PTPRD: variants seen among roughly 807,000 people sequenced by gnomAD.
PTPRD encodes protein tyrosine phosphatase receptor type D, also known as receptor-type tyrosine-protein phosphatase delta.
Under a neutral mutation model 214.5 loss-of-function variants are expected in PTPRD, and 34 were observed. The ratio of observed to expected loss-of-function variants is 0.16; its 90% confidence interval spans 0.12 to 0.21. PTPRD has a LOEUF of 0.21. PTPRD is among the 10% of genes least tolerant of loss of function. PTPRD has a pLI of 1.00. For missense variants in PTPRD, 2,545 were observed against 2,398.7 expected, an observed-to-expected ratio of 1.06 and a Z score of -1.27; for synonymous variants, 1,128 against 845.7, an observed-to-expected ratio of 1.33 and a Z score of -5.79.
intron 12 of PTPRD, among the ~76,000 whole-genome samples, chr9:8,661,135 A>G (rs1478546661): frequency 2.0e-5 from 3 of 152,078 alleles, no homozygotes; most frequent in South Asian, 2.1e-4. Context: ...GCTCTTTTTC[A>G]TATGCCAGAC....
At chr9:10,415,414 G>C (rs934719148) in intron 2 of PTPRD, among the ~76,000 whole-genome samples, 2 of 151,752 alleles carry the variant, frequency 1.3e-5, no homozygotes, top group Non-Finnish European at 2.9e-5. Flanking sequence ...TATTCAACAA[G>C]TTATGGACTC....
At chr9:9,250,869 TA>T (rs986605680) in intron 9 of PTPRD, among the ~76,000 whole-genome samples, 2 of 152,128 alleles carry the variant, frequency 1.3e-5, no homozygotes, top group Non-Finnish European at 2.9e-5. Flanking sequence ...AAAGTCTTTT[TA>T]TTTATTTATT....
At chr9:9,594,893 C>A (rs2093131614) in intron 7 of PTPRD, among the ~76,000 whole-genome samples, 1 of 151,680 alleles carries the variant, frequency 6.6e-6, no homozygotes, top group Admixed American at 6.6e-5. Flanking sequence ...CAAGAAAAAA[C>A]AAACAAACAA....
intron 11 of PTPRD, among the ~76,000 whole-genome samples, chr9:8,824,098 T>G (rs376176382): frequency 7.2e-5 from 11 of 152,330 alleles, no homozygotes; most frequent in East Asian, 5.8e-4. Context: ...GGGTTTTGGC[T>G]GGCTCCTTTA....
chr9:8,593,647 G>A (rs2094281354), intron 14 of PTPRD, among the ~76,000 whole-genome samples: 1 of 152,144 alleles, frequency 6.6e-6, no homozygotes, highest in African/African-American at 2.4e-5. Flanking sequence ...CTTTATTGGT[G>A]TGAAACACTG....
chr9:9,679,287 C>A (rs184798059), intron 7 of PTPRD, among the ~76,000 whole-genome samples: 1 of 151,630 alleles, frequency 6.6e-6, no homozygotes, highest in East Asian at 1.9e-4. Context: ...TTGCTACACA[C>A]AAAAGATGGC....
intron 11 of PTPRD, among the ~76,000 whole-genome samples, chr9:8,900,328 A>T (rs951415597): frequency 1.3e-5 from 2 of 152,346 alleles, no homozygotes; most frequent in Non-Finnish European, 2.9e-5. Flanking sequence ...AGATATTGAC[A>T]TTTAAAGAAC....
At chr9:8,423,658 TG>T (rs1178265746) in intron 35 of PTPRD, among the ~76,000 whole-genome samples, 6 of 152,144 alleles carry the variant, frequency 3.9e-5, no homozygotes, top group African/African-American at 1.4e-4. Flanking sequence ...AAGGGCACCT[TG>T]CCAGTATAGG....
At chr9:8,499,586 G>A (rs1390887187) in intron 25 of PTPRD, 61 bp downstream of exon 25, 1 of 1,520,746 alleles carries the variant, frequency 6.6e-7, no homozygotes, top group South Asian at 1.3e-5. Context: ...AGCAATTTCA[G>A]GATATGAACT....
Position 9,851,527 on chromosome 9 carries a change from A to G in PTPRD, c.-367-84676T>C, listed in dbSNP as rs1599747626. ...CATTCTTCAAGCAACTATCTGCATGATAATATTGAATTACATTATTTACAA... is the reference window on the plus strand; with the variant it reads ...CATTCTTCAAGCAACTATCTGCATGGTAATATTGAATTACATTATTTACAA... On this transcript the variant is annotated intron_variant, in intron 5 of 45. Coordinates refer to ENST00000381196, the MANE Select transcript of PTPRD (RefSeq NM_002839.4). Among the ~76,000 whole-genome samples, 4 of 152,358 alleles carry G rather than the reference A, an allele frequency of 2.6e-5. No homozygotes were observed. The East Asian group carries it at 7.7e-4, about 29-fold the overall frequency.
At position 10,103,395 on chromosome 9, in the gene PTPRD, T is replaced by TATATATGTA. The variant is rs34926923; in HGVS notation, c.-544-69606_-544-69605insTACATATAT. ...CTGCATATTATATATATATATATAT[T>TATATATGTA]TATTTAAGAGCATTGCAGTAAGAAA... is the stretch of plus-strand genomic sequence containing the variant. On this transcript the variant is annotated intron_variant, in intron 3 of 45. Transcript: ENST00000381196. 6.1e-4 allele frequency among the ~76,000 whole-genome samples: 71 copies of TATATATGTA among 116,730 alleles called. 3 individuals are homozygous for TATATATGTA. In the South Asian group the frequency reaches 0.016, roughly 27 times the overall value. 76.6% of individuals were successfully genotyped at this position (116,730 alleles called of 152,430 possible). A position where few individuals can be genotyped will look rare whatever the true frequency, so the allele number is the denominator to read the frequency against.
intron 10 of PTPRD, among the ~76,000 whole-genome samples, chr9:9,115,231 G>A (rs2099811212): frequency 6.6e-6 from 1 of 152,120 alleles, no homozygotes; most frequent in South Asian, 2.1e-4. Context: ...AGAGATTGGG[G>A]TATGTTCCTA....
At chr9:8,660,127 T>A (rs996327117) in intron 12 of PTPRD, among the ~76,000 whole-genome samples, 4 of 152,228 alleles carry the variant, frequency 2.6e-5, no homozygotes, top group African/African-American at 9.6e-5. Flanking sequence ...AAAGCAAACA[T>A]ACCCACCTCA....
chr9:8,817,648 A>C (rs930469357), intron 11 of PTPRD, among the ~76,000 whole-genome samples: 3 of 152,180 alleles, frequency 2.0e-5, no homozygotes, highest in African/African-American at 7.2e-5. Flanking sequence ...AAATAAAATA[A>C]AACAAAACAA....
At chr9:9,582,137 C>T (rs1453852261) in intron 7 of PTPRD, among the ~76,000 whole-genome samples, 2 of 151,972 alleles carry the variant, frequency 1.3e-5, no homozygotes, top group Admixed American at 6.6e-5. Context: ...TCTAGTTATC[C>T]CTCAACATCC....
At chr9:8,870,337 C>T (rs2098274071) in intron 11 of PTPRD, among the ~76,000 whole-genome samples, 1 of 151,898 alleles carries the variant, frequency 6.6e-6, no homozygotes, top group Non-Finnish European at 1.5e-5. Flanking sequence ...TTGTTTTAAC[C>T]TTGTAATTAC....
At chr9:9,105,915 T>C (rs566992395) in intron 10 of PTPRD, among the ~76,000 whole-genome samples, 1 of 152,314 alleles carries the variant, frequency 6.6e-6, no homozygotes, top group Non-Finnish European at 1.5e-5. Flanking sequence ...CTCTTTTTGG[T>C]ACATTCAGGG....
intron 10 of PTPRD, among the ~76,000 whole-genome samples, chr9:9,049,231 A>G (rs1174759797): frequency 2.6e-5 from 4 of 152,198 alleles, no homozygotes; most frequent in Non-Finnish European, 5.9e-5. Context: ...GGGAATTTTC[A>G]TCCTGTGCCT....
intron 5 of PTPRD, among the ~76,000 whole-genome samples, chr9:9,830,115 T>A (rs913354063): frequency 3.5e-4 from 53 of 151,854 alleles, no homozygotes; most frequent in African/African-American, 1.2e-3. Context: ...AATTTTATTT[T>A]AAAAATTCAT....
Sources: allele counts gnomAD v4.1 joint callset (sites outside exome capture counted in the v4.1 genomes callset), GRCh38; gene constraint gnomAD v4.1.1; transcripts MANE v1.5; gene names NCBI Gene and HGNC (gene_info 2026-07-23, HGNC 2026-07-21).